Variants in RIMS1 observed in about 807,000 individuals in gnomAD.
RIMS1 encodes regulating synaptic membrane exocytosis protein 1.
A neutral mutation model predicts 214.1 loss-of-function variants in RIMS1; 83 were observed. The observed-to-expected ratio is 0.39, with a 90% confidence interval of 0.32 to 0.47. RIMS1 has a LOEUF of 0.47. Among genes scored for constraint, RIMS1 ranks in the 20% least tolerant of loss-of-function variants. The probability of loss-of-function intolerance (pLI) is 0.99; values close to 1 mark genes in which losing one functional copy is unlikely to be tolerated. For synonymous variants in RIMS1, 793 were observed against 786.8 expected, an observed-to-expected ratio of 1.01 and a Z score of -0.13; for missense variants, 2,050 against 2,161.8, an observed-to-expected ratio of 0.95 and a Z score of 1.03.
chr6:72,021,368 A>C (rs1046551900), intron 2 of RIMS1, among the ~76,000 whole-genome samples: 1 of 152,188 alleles, frequency 6.6e-6, no homozygotes, highest in African/African-American at 2.4e-5. Flanking sequence ...GTTGTTGATG[A>C]ACAGTATTTG....
At chr6:71,936,031 T>G (rs1225997046) in intron 1 of RIMS1, among the ~76,000 whole-genome samples, 2 of 152,090 alleles carry the variant, frequency 1.3e-5, no homozygotes, top group Non-Finnish European at 2.9e-5. Flanking sequence ...TGGGCGCTGA[T>G]AGAACACAGT....
At chr6:72,284,795 G>T (rs1400369690) in intron 24 of RIMS1, among the ~76,000 whole-genome samples, 6 of 152,122 alleles carry the variant, frequency 3.9e-5, no homozygotes, top group African/African-American at 1.4e-4. Context: ...GGACACAGAT[G>T]TAAATGAATG....
chr6:71,984,669 T>C (rs1023382070), intron 2 of RIMS1, among the ~76,000 whole-genome samples: 2 of 152,088 alleles, frequency 1.3e-5, no homozygotes, highest in Non-Finnish European at 2.9e-5. Context: ...TTTCATTGCA[T>C]AGAAACAAGC....
intron 1 of RIMS1, among the ~76,000 whole-genome samples, chr6:71,963,502 A>G (rs1381450715): frequency 6.6e-6 from 1 of 152,162 alleles, no homozygotes; most frequent in Non-Finnish European, 1.5e-5. Flanking sequence ...TCTCTTTACT[A>G]TTAAGAAATT....
At chr6:72,142,782 C>T (rs1479696539) in intron 4 of RIMS1, among the ~76,000 whole-genome samples, 1 of 152,036 alleles carries the variant, frequency 6.6e-6, no homozygotes, top group Non-Finnish European at 1.5e-5. Context: ...AGGACACTTA[C>T]AAAAACTTTA....
At chr6:71,926,795 G>A (rs757336958) in intron 1 of RIMS1, among the ~76,000 whole-genome samples, 1 of 152,068 alleles carries the variant, frequency 6.6e-6, no homozygotes, top group African/African-American at 2.4e-5. Flanking sequence ...ACATAGGTAC[G>A]ATTCATGATA....
chr6:72,178,605 G>A (rs113527620), intron 4 of RIMS1, among the ~76,000 whole-genome samples: 1 of 152,200 alleles, frequency 6.6e-6, no homozygotes, highest in Admixed American at 6.5e-5. Flanking sequence ...GCTTTTGGAG[G>A]CATGTAACTG....
chr6:72,251,405 A>C, intron 15 of RIMS1, 37 bp downstream of exon 15: 2 of 1,451,020 alleles, frequency 1.4e-6, no homozygotes, highest in Non-Finnish European at 1.9e-6. Flanking sequence ...CAAAGTAATT[A>C]TGCTGTAATG....
At chr6:72,331,709 A>G (rs777211884) in intron 28 of RIMS1, among the ~76,000 whole-genome samples, 2 of 151,908 alleles carry the variant, frequency 1.3e-5, no homozygotes, top group East Asian at 1.9e-4. Flanking sequence ...TTGATCATAC[A>G]TAATAATACT....
intron 29 of RIMS1, among the ~76,000 whole-genome samples, chr6:72,375,943 G>A (rs1461861071): frequency 1.3e-5 from 2 of 152,144 alleles, no homozygotes; most frequent in African/African-American, 2.4e-5. Flanking sequence ...AAATATCTCT[G>A]ACCACATTCT....
At chr6:72,248,176 G>A in intron 12 of RIMS1, 49 bp downstream of exon 12, 1 of 1,078,084 alleles carries the variant, frequency 9.3e-7, no homozygotes, top group Non-Finnish European at 1.4e-6. Flanking sequence ...TGCATACACT[G>A]TCTGAGTCTG....
chr6:72,358,595 A>G (rs2097720332), intron 29 of RIMS1, among the ~76,000 whole-genome samples: 1 of 152,218 alleles, frequency 6.6e-6, no homozygotes, highest in South Asian at 2.1e-4. Context: ...GATATGAACA[A>G]AGAAGGGGAG....
chr6:72,351,631 A>G (rs2097450744), intron 29 of RIMS1, among the ~76,000 whole-genome samples: 1 of 152,190 alleles, frequency 6.6e-6, no homozygotes, highest in Non-Finnish European at 1.5e-5. Context: ...GTAAGTGGCA[A>G]AGAAATAATT....
chr6:71,928,428 A>G (rs968485231), intron 1 of RIMS1, among the ~76,000 whole-genome samples: 2 of 152,112 alleles, frequency 1.3e-5, no homozygotes, highest in African/African-American at 4.8e-5. Flanking sequence ...ATCTTTCTAC[A>G]TATATCCTCT....
intron 2 of RIMS1, among the ~76,000 whole-genome samples, chr6:72,021,226 T>G (rs1416770810): frequency 6.6e-6 from 1 of 152,204 alleles, no homozygotes; most frequent in Non-Finnish European, 1.5e-5. Flanking sequence ...AACAATAATC[T>G]TAATAAATGT....
chr6:72,131,818 C>T (rs886089604), intron 4 of RIMS1, among the ~76,000 whole-genome samples: 3 of 152,230 alleles, frequency 2.0e-5, no homozygotes, highest in South Asian at 2.1e-4. Context: ...CCTACAGTCT[C>T]GACCATAAAA....
intron 26 of RIMS1, 122 bp from the exon 27 acceptor site, chr6:72,307,136 C>A: frequency 1.5e-6 from 1 of 649,708 alleles, no homozygotes; most frequent in South Asian, 2.0e-5. Context: ...ATTTATTAAT[C>A]ATGTGTTATT....
chr6:72,040,253 C>T (rs924630355), intron 2 of RIMS1, among the ~76,000 whole-genome samples: 1 of 151,970 alleles, frequency 6.6e-6, no homozygotes, highest in Non-Finnish European at 1.5e-5. Flanking sequence ...GATAATTCCC[C>T]TGGAAGACTA....
intron 28 of RIMS1, among the ~76,000 whole-genome samples, chr6:72,324,026 G>GCATA (rs2096306383): frequency 7.8e-6 from 1 of 127,564 alleles, no homozygotes. Flanking sequence ...GTGCATGCAT[G>GCATA]CATAGATAGA....
Sources: gnomAD v4.1 joint callset for allele counts (sites outside exome capture counted in the v4.1 genomes callset) on GRCh38, gnomAD v4.1.1 for gene constraint, MANE v1.5 for transcripts, NCBI Gene and HGNC (gene_info 2026-07-23, HGNC 2026-07-21) for gene names.